STMN3: variants seen among roughly 807,000 people sequenced by gnomAD.
STMN3 encodes the protein stathmin-3.
Under a neutral mutation model 23.2 loss-of-function variants are expected in STMN3, and 24 were observed. The observed-to-expected ratio is 1.03, with a 90% CI of 0.75 to 1.45. The LOEUF (loss-of-function observed/expected upper bound fraction) is 1.45, where lower values mean the gene tolerates loss of function less well. STMN3 is among the 40% of genes most tolerant of loss of function. The pLI is 0.00. For synonymous variants in STMN3, 117 were observed against 103.4 expected, an observed-to-expected ratio of 1.13 and a Z score of -0.80; for missense variants, 235 against 237.6, an observed-to-expected ratio of 0.99 and a Z score of 0.07.
chr20:63,647,948 G>GTGTGTGTGTATA lies in STMN3; in HGVS notation c.20-3640_20-3639insTATACACACACA, dbSNP rs1320052757. ...TATATACGTATATATGTGTGTGTGTGTATATATATATGTATATATATATAT... is the reference window on the plus strand; with the variant it reads ...TATATACGTATATATGTGTGTGTGTGTGTGTGTGTATATATATATATATGTATATATATATAT... On this transcript the variant is annotated intron_variant, in intron 1 of 4. Coordinates refer to ENST00000370053, the MANE Select transcript of STMN3 (RefSeq NM_015894.4). 2.2e-4 allele frequency among the ~76,000 whole-genome samples: 14 copies of GTGTGTGTGTATA among 63,834 alleles called. 1 individual carries two copies. Among genetic ancestry groups the GTGTGTGTGTATA allele is most frequent in the South Asian group, 8.4e-4 (2 of 2,372 alleles). 41.9% of individuals were successfully genotyped at this position (63,834 alleles called of 152,430 possible).
chr20:63,647,985 T>G (rs1479036382), intron 1 of STMN3, among the ~76,000 whole-genome samples: 1 of 97,666 alleles, frequency 1.0e-5, no homozygotes, highest in African/African-American at 4.3e-5. Flanking sequence ...TATATACATA[T>G]ATATATACAG....
intron 4 of STMN3, 72 bp from the exon 5 acceptor site, chr20:63,641,469 C>G: frequency 4.5e-6 from 6 of 1,331,800 alleles, no homozygotes; most frequent in Non-Finnish European, 6.2e-6. Flanking sequence ...CCCAGGCGCG[C>G]AGGCCGTGGC....
At chr20:63,643,604 T>C in intron 3 of STMN3, 152 bp downstream of exon 3, 1 of 1,350,430 alleles carries the variant, frequency 7.4e-7, no homozygotes, top group Non-Finnish European at 9.4e-7. Flanking sequence ...TTCTTATCTC[T>C]CAGAAAGAGG....
At chr20:63,647,060 C>T (rs1233586667) in intron 1 of STMN3, among the ~76,000 whole-genome samples, 2 of 151,180 alleles carry the variant, frequency 1.3e-5, no homozygotes, top group African/African-American at 4.9e-5. Flanking sequence ...GTAATCCCAG[C>T]ACTTTGGGAG....
Position 63,652,594 on chromosome 20 carries a change from C to T in STMN3, c.19+733G>A. ...CTACCTTCGAAGGCGGTGGGTCCGC[C>T]CCGCGGGAGGTGGAGGGGCGGGAGG... On this transcript the variant is annotated intron_variant, in intron 1 of 4. Transcript: ENST00000370053. The surrounding 1 kb of genome is among the most constrained non-coding windows in gnomAD (Gnocchi z 5.3). 1 of 985,328 alleles carries T rather than the reference C, an allele frequency of 1.0e-6. No individual in the cohort carries two copies. Among genetic ancestry groups the T allele is most frequent in the Non-Finnish European group, 1.2e-6 (1 of 829,876 alleles). 61.0% of individuals were successfully genotyped at this position (985,328 alleles called of 1,614,324 possible). A position where few individuals can be genotyped will look rare whatever the true frequency, so the allele number is the denominator to read the frequency against.
chr20:63,647,991 T>TATATATATATATATATATATATATACAC (rs1288050001), intron 1 of STMN3, among the ~76,000 whole-genome samples: 2 of 75,886 alleles, frequency 2.6e-5, no homozygotes, highest in African/African-American at 9.7e-5. Flanking sequence ...CATATATATA[T>TATATATATATATATATATATATATACAC]ACAGAGAGAG....
At chr20:63,643,692 G>A (rs2089785797) in intron 3 of STMN3, 64 bp downstream of exon 3, 4 of 1,470,602 alleles carry the variant, frequency 2.7e-6, no homozygotes, top group African/African-American at 1.5e-5. Context: ...CTTCTTGCAG[G>A]CCCTGTCCCC....
Position 63,640,182 on chromosome 20 carries a change from G to C in STMN3, c.*1156C>G. 1 of 152,716 alleles carries C rather than the reference G, an allele frequency of 6.5e-6. No individual in the cohort carries two copies. Among genetic ancestry groups the C allele is most frequent in the East Asian group, 1.9e-4 (1 of 5,222 alleles). 9.5% of individuals were successfully genotyped at this position (152,716 alleles called of 1,614,324 possible). A position where few individuals can be genotyped will look rare whatever the true frequency, so the allele number is the denominator to read the frequency against. On this transcript the variant is annotated 3_prime_UTR_variant, in exon 5 of 5. Coordinates refer to ENST00000370053, the MANE Select transcript of STMN3 (RefSeq NM_015894.4). ...TGGGATGGGGCTTCCGTGGAGAAGT[G>C]GGGGATGCTGCAGTGGTACAAAGAC... is the stretch of plus-strand genomic sequence containing the variant.
intron 1 of STMN3, among the ~76,000 whole-genome samples, chr20:63,647,120 C>A (rs1418426861): frequency 6.6e-6 from 1 of 151,452 alleles, no homozygotes; most frequent in Non-Finnish European, 1.5e-5. Context: ...CCAACCTGGC[C>A]AACATGGCGA....
chr20:63,641,358 G>T lies in STMN3; in HGVS notation c.523C>A (p.Arg175=), dbSNP rs1162246554. 2 of 1,570,058 alleles carry T rather than the reference G, an allele frequency of 1.3e-6. No individual in the cohort carries two copies. The highest frequency in any genetic ancestry group is 8.6e-7 in the Non-Finnish European group (1 of 1,158,460). The change falls in exon 5 of 5, where the codon CGA becomes AGA. Residue 175 remains arginine, a synonymous_variant. Coordinates refer to ENST00000370053, the MANE Select transcript of STMN3 (RefSeq NM_015894.4). ...AAEVRRNKEQ[R]EEMSG ...GGCCCTTAGCCCGACATCTCTTCTCGCTGCTCCTTGTTCCTGCGCACCTCG... is the reference window on the plus strand; with the variant it reads ...GGCCCTTAGCCCGACATCTCTTCTCTCTGCTCCTTGTTCCTGCGCACCTCG...
intron 1 of STMN3, among the ~76,000 whole-genome samples, chr20:63,647,701 T>C (rs1182998394): frequency 1.5e-5 from 2 of 131,876 alleles, no homozygotes; most frequent in Non-Finnish European, 3.2e-5. Flanking sequence ...ATATATATAA[T>C]ATATATACAC....
intron 3 of STMN3, among the ~76,000 whole-genome samples, chr20:63,643,051 G>A (rs2089781497): frequency 1.3e-5 from 2 of 152,084 alleles, no homozygotes; most frequent in African/African-American, 4.8e-5. Context: ...CTCTCCCAGG[G>A]CCCCTCCGCC....
At chr20:63,651,415 G>T (rs948128657) in intron 1 of STMN3, among the ~76,000 whole-genome samples, 2 of 152,182 alleles carry the variant, frequency 1.3e-5, no homozygotes, top group Non-Finnish European at 2.9e-5. Context: ...AGAACTGAGA[G>T]GCCAGGGGAC....
intron 1 of STMN3, among the ~76,000 whole-genome samples, chr20:63,653,118 TC>T (rs1438612767): frequency 6.6e-6 from 1 of 150,770 alleles, no homozygotes; most frequent in African/African-American, 2.4e-5. Context: ...TCCCGAGCGC[TC>T]CCCGGCGCGG....
chr20:63,643,538 C>A, intron 3 of STMN3: 1 of 730,758 alleles, frequency 1.4e-6, no homozygotes, highest in Non-Finnish European at 1.7e-6. Context: ...GCCTCAGCTT[C>A]CCAAAGTTCT....
chr20:63,650,327 G>A (rs911515086), intron 1 of STMN3, among the ~76,000 whole-genome samples: 3 of 152,190 alleles, frequency 2.0e-5, no homozygotes, highest in Non-Finnish European at 2.9e-5. Context: ...CCGAGGAAAT[G>A]CGGATTGGCC....
chr20:63,642,966 T>C (rs2089780747), intron 3 of STMN3, among the ~76,000 whole-genome samples: 2 of 152,016 alleles, frequency 1.3e-5, no homozygotes, highest in Non-Finnish European at 2.9e-5. Context: ...AAAGGACATT[T>C]TTATCTCTGT....
At chr20:63,643,608 A>G (rs919111800) in intron 3 of STMN3, 148 bp downstream of exon 3, 24 of 1,351,578 alleles carry the variant, frequency 1.8e-5, no homozygotes, top group Non-Finnish European at 2.1e-5. Flanking sequence ...TATCTCTCAG[A>G]AAGAGGCCCA....
At chr20:63,647,989 TATAC>T (rs2089831294) in intron 1 of STMN3, among the ~76,000 whole-genome samples, 1 of 81,796 alleles carries the variant, frequency 1.2e-5, no homozygotes. Context: ...TACATATATA[TATAC>T]AGAGAGAGAG....
Sources: allele counts gnomAD v4.1 joint callset (sites outside exome capture counted in the v4.1 genomes callset), GRCh38; gene constraint gnomAD v4.1.1; non-coding constraint Gnocchi (gnomAD v3.1); transcripts MANE v1.5; gene names NCBI Gene and HGNC (gene_info 2026-07-23, HGNC 2026-07-21).